Variants in PCDHA3 observed in about 807,000 individuals in gnomAD.
PCDHA3 encodes the protein protocadherin alpha 3.
A neutral mutation model predicts 62.2 loss-of-function variants in PCDHA3; 41 were observed. That is an observed-to-expected ratio of 0.66 (90% CI 0.51 to 0.86). The LOEUF is 0.86. PCDHA3 is among the 40% of genes least tolerant of loss of function. PCDHA3 has a pLI of 0.00. For missense variants in PCDHA3, 1,304 were observed against 1,241.2 expected (o/e 1.05, Z -0.76); for synonymous variants, 640 against 555.4 (o/e 1.15, Z -2.14).
At chr5:140,896,071 A>G (rs551803461) in intron 1 of PCDHA3, among the ~76,000 whole-genome samples, 1 of 152,248 alleles carries the variant, frequency 6.6e-6, no homozygotes, top group African/African-American at 2.4e-5. Context: ...TCGGCCTCCC[A>G]ACATGCTGGG....
At chr5:141,006,105 G>GT (rs79904017) in intron 3 of PCDHA3, among the ~76,000 whole-genome samples, 4,283 of 143,138 alleles carry the variant, frequency 0.03, 125 homozygotes, top group African/African-American at 0.081. Flanking sequence ...ATGGTAAGGA[G>GT]TTTTTTTTTT....
At chr5:140,889,101 T>TCC in intron 1 of PCDHA3, among the ~76,000 whole-genome samples, 1 of 152,074 alleles carries the variant, frequency 6.6e-6, no homozygotes, top group East Asian at 1.9e-4. Context: ...AATTTTTTCA[T>TCC]CTTTATTCCA....
rs143469399 is a variant in PCDHA3 at position 140,850,397 on chromosome 5, G to T, written c.2394+46806G>T. On this transcript the variant is annotated intron_variant, in intron 1 of 3. Transcript: ENST00000522353. ...TGTACACGGGCGAGATCAGCACAAC[G>T]CGTGCCCTGGACGAAACGGACGCAC... 3.1e-6 allele frequency: 5 copies of T among 1,597,958 alleles called. No homozygotes were observed. The Admixed American group carries it at 6.8e-5, about 22-fold the overall frequency.
intron 1 of PCDHA3, chr5:140,861,426 T>A (rs1451953787): frequency 2.1e-6 from 1 of 485,412 alleles, no homozygotes; most frequent in Non-Finnish European, 4.2e-6. Context: ...CCTGTTTCAG[T>A]TGGATTCCAA....
chr5:140,917,574 A>AT (rs2078267630), intron 1 of PCDHA3, among the ~76,000 whole-genome samples: 2 of 152,154 alleles, frequency 1.3e-5, no homozygotes, highest in Non-Finnish European at 2.9e-5. Context: ...TCTCAGGCTG[A>AT]TTTTTGTTCA....
intron 1 of PCDHA3, chr5:140,858,137 TACCTGATCATCGCC>T: frequency 1.9e-6 from 3 of 1,597,500 alleles, no homozygotes; most frequent in Non-Finnish European, 2.6e-6. Context: ...TGTCAACGTG[TACCTGATCATCGCC>T]ATCTGCGCGG....
intron 1 of PCDHA3, chr5:140,841,450 C>G: frequency 6.2e-7 from 1 of 1,612,936 alleles, no homozygotes; most frequent in Non-Finnish European, 8.5e-7. Context: ...AACACGGCAC[C>G]TTCGTGGGCC....
intron 1 of PCDHA3, among the ~76,000 whole-genome samples, chr5:140,873,375 T>G (rs251375): frequency 0.44 from 67,180 of 152,024 alleles, 15,319 homozygotes; most frequent in South Asian, 0.58. Flanking sequence ...GAAGATCTTT[T>G]AAAGACTTGG....
chr5:140,801,365 G>A lies in PCDHA3; in HGVS notation c.168G>A (p.Leu56=). 6.2e-7 allele frequency: 1 copy of A among 1,613,478 alleles called. No homozygotes were observed. Among genetic ancestry groups the A allele is most frequent in the African/African-American group, 1.3e-5 (1 of 75,028 alleles). ...GRIAQDLGLE[L]AELVPRLFRV... is the part of the protein sequence containing the mutation. ...TCGCGCAGGACCTGGGGCTGGAGCT[G>A]GCGGAGCTGGTGCCGCGCCTGTTCC... The change falls in exon 1 of 4, where the codon CTG becomes CTA. Residue 56 remains leucine (L), a synonymous_variant. Transcript: ENST00000522353.
chr5:140,850,295 C>T (rs2150478300), intron 1 of PCDHA3: 1 of 1,596,420 alleles, frequency 6.3e-7, no homozygotes, highest in South Asian at 1.1e-5. Flanking sequence ...TGGACGCCGA[C>T]TCGGGCTACA....
chr5:140,814,367 A>G (rs1202893906), intron 1 of PCDHA3: 1 of 151,888 alleles, frequency 6.6e-6, no homozygotes, highest in Non-Finnish European at 1.5e-5. Context: ...ATGCGATGCT[A>G]TCATCTCCTA....
At chr5:140,898,816 C>T (rs1216644860) in intron 1 of PCDHA3, among the ~76,000 whole-genome samples, 5 of 152,148 alleles carry the variant, frequency 3.3e-5, no homozygotes, top group African/African-American at 1.2e-4. Context: ...TTCTTCCTAC[C>T]CATGAGCATG....
intron 1 of PCDHA3, chr5:140,881,923 AGTGATT>A (rs2058875658): frequency 3.8e-6 from 1 of 262,834 alleles, no homozygotes; most frequent in African/African-American, 2.2e-5. Flanking sequence ...AGCAGAATGC[AGTGATT>A]TGCTGTTTCT....
At chr5:140,937,769 G>C (rs908179495) in intron 1 of PCDHA3, among the ~76,000 whole-genome samples, 1 of 151,776 alleles carries the variant, frequency 6.6e-6, no homozygotes, top group Non-Finnish European at 1.5e-5. Context: ...AAAATTAGTC[G>C]GGCGTGGTGG....
intron 1 of PCDHA3, chr5:140,805,465 T>C (rs1201496282): frequency 3.0e-6 from 3 of 1,013,086 alleles, no homozygotes; most frequent in Non-Finnish European, 3.5e-6. Flanking sequence ...GTGAGTGTAG[T>C]TCTTCAATAG....
chr5:140,807,090 A>T, intron 1 of PCDHA3: 1 of 1,361,346 alleles, frequency 7.3e-7, no homozygotes, highest in Non-Finnish European at 1.0e-6. Context: ...TGGAGTCTGA[A>T]ATATGGAGGA....
chr5:140,893,138 A>G (rs1336386852), intron 1 of PCDHA3, among the ~76,000 whole-genome samples: 1 of 152,142 alleles, frequency 6.6e-6, no homozygotes, highest in Non-Finnish European at 1.5e-5. Context: ...TTCTTTATCC[A>G]CTCATCTGTT....
At chr5:140,808,356 C>T (rs1554124492) in intron 1 of PCDHA3, 38 of 1,614,212 alleles carry the variant, frequency 2.4e-5, no homozygotes, top group Non-Finnish European at 3.2e-5. Flanking sequence ...TGCTCCTTGA[C>T]GTCCCACGTC....
At chr5:140,826,759 A>G (rs1286612690) in intron 1 of PCDHA3, among the ~76,000 whole-genome samples, 1 of 152,218 alleles carries the variant, frequency 6.6e-6, no homozygotes, top group Non-Finnish European at 1.5e-5. Flanking sequence ...TAAGATTCAT[A>G]TTGGAGAGTA....
Sources: allele counts gnomAD v4.1 joint callset (sites outside exome capture counted in the v4.1 genomes callset), GRCh38; gene constraint gnomAD v4.1.1; transcripts MANE v1.5; gene names NCBI Gene and HGNC (gene_info 2026-07-23, HGNC 2026-07-21).